Variants in EPHB4 observed in about 807,000 individuals in gnomAD.
EPHB4 encodes the protein EPH receptor B4.
A neutral mutation model predicts 110.6 loss-of-function variants in EPHB4; 50 were observed. That is an observed-to-expected ratio of 0.45 (90% CI 0.36 to 0.57). The LOEUF is 0.57. EPHB4 is among the 20% of genes least tolerant of loss of function. The pLI, the probability that EPHB4 is intolerant of heterozygous loss-of-function variation, is 0.00. For missense variants in EPHB4, 1,128 were observed against 1,382.1 expected, an observed-to-expected ratio of 0.82 and a Z score of 2.91; for synonymous variants, 592 against 578.4, an observed-to-expected ratio of 1.02 and a Z score of -0.34.
In EPHB4 at chr7:100,813,222, C is replaced by A. The variant is rs775270290; in HGVS notation, c.1757-14G>T. 1 of 1,594,262 alleles carries A rather than the reference C, an allele frequency of 6.3e-7. No homozygotes were observed. Among genetic ancestry groups the A allele is most frequent in the East Asian group, 2.2e-5 (1 of 44,766 alleles). ...AGACCTTAGTACCTGAGAAATCAGG[C>A]AGGGCCCCGTCAGCTGGGAATTAAC... On this transcript the variant is annotated splice_polypyrimidine_tract_variant and intron_variant, in intron 10 of 16. Transcript: ENST00000358173.
chr7:100,817,432 C>G, intron 7 of EPHB4, 75 bp from the exon 8 acceptor site: 2 of 1,460,172 alleles, frequency 1.4e-6, no homozygotes, highest in Non-Finnish European at 1.8e-6. Flanking sequence ...CTCCTTCCCT[C>G]GCCCTCCACT....
chr7:100,806,099 C>T (rs1340909999), intron 14 of EPHB4: 9 of 252,692 alleles, frequency 3.6e-5, no homozygotes, highest in Admixed American at 5.2e-5. Flanking sequence ...GCTGGGATTA[C>T]AGGCACCCGC....
rs746336553 is a variant in EPHB4 at position 100,822,398 on chromosome 7, G to A, written c.681C>T (p.Ala227=). 1.1e-5 allele frequency: 17 copies of A among 1,576,894 alleles called. No homozygotes were observed. In the African/African-American group the frequency reaches 1.6e-4, roughly 15 times the overall value. The change falls in exon 4 of 17, where the codon GCC becomes GCT. Residue 227 remains alanine, a synonymous_variant. Transcript: ENST00000358173. The surrounding 1 kb of genome is among the most constrained non-coding windows in gnomAD (Gnocchi z 4.7). The part of the protein sequence containing the change: ...VPVAGSCVVD[A]VPAPGPSPSL... ...TGGGGCTGGGGCCAGGGGCGGGGACGGCATCCACCACGCAGCTACCGGCCA... is the reference window on the plus strand; with the variant it reads ...TGGGGCTGGGGCCAGGGGCGGGGACAGCATCCACCACGCAGCTACCGGCCA...
chr7:100,824,761 C>T (rs995876505), intron 1 of EPHB4: 1 of 163,762 alleles, frequency 6.1e-6, no homozygotes. Context: ...CCCCGTCCTT[C>T]CCTCCTTGAA....
rs1813413682 is a variant in EPHB4, at chr7:100,826,886, A to G, written c.52+93T>C. 8 of 1,333,630 alleles carry G rather than the reference A, an allele frequency of 6.0e-6. No homozygotes were observed. In the Middle Eastern group the frequency reaches 9.9e-4, roughly 165 times the overall value. 82.6% of individuals were successfully genotyped at this position (1,333,630 alleles called of 1,614,324 possible). A position where few individuals can be genotyped will look rare whatever the true frequency, so the allele number is the denominator to read the frequency against. On this transcript the variant is annotated intron_variant, in intron 1 of 16. Transcript: ENST00000358173. Reference sequence around the variant, plus strand: ...GGGACTGCAGTGCCCGGGTAGGGGTAGTCAGAGGCCGGCCCCTCCACTCCG... The same window carrying G: ...GGGACTGCAGTGCCCGGGTAGGGGTGGTCAGAGGCCGGCCCCTCCACTCCG...
intron 14 of EPHB4, chr7:100,805,953 T>C: frequency 5.0e-6 from 2 of 400,822 alleles, no homozygotes; most frequent in Non-Finnish European, 8.7e-6. Flanking sequence ...AAATATGCTG[T>C]ACCCAACTCT....
At chr7:100,816,291 G>A (rs1813065464) in intron 8 of EPHB4, among the ~76,000 whole-genome samples, 1 of 152,122 alleles carries the variant, frequency 6.6e-6, no homozygotes, top group Admixed American at 6.6e-5. Flanking sequence ...GATGGGGAAT[G>A]GGGAGCTCAG....
rs927772349 is a variant in EPHB4 at position 100,806,419 on chromosome 7, C to T, written c.2484+1G>A. 1.2e-6 allele frequency: 2 copies of T among 1,612,768 alleles called. No individual in the cohort carries two copies. Among genetic ancestry groups the T allele is most frequent in the Non-Finnish European group, 1.7e-6 (2 of 1,179,200 alleles). On this transcript the variant is annotated splice_donor_variant, in intron 14 of 16. Coordinates refer to ENST00000358173, the MANE Select transcript of EPHB4 (RefSeq NM_004444.5). LOFTEE classifies it high-confidence loss of function. The stretch of plus-strand genomic sequence containing the variant: ...GCTTGGTAGGACCACGGGACACTTA[C>T]GTCCTGATTGCTCATGTCCCAGTAC...
chr7:100,824,137 C>T (rs146312535), intron 2 of EPHB4, 66 bp downstream of exon 2: 258 of 1,601,742 alleles, frequency 1.6e-4, no homozygotes, highest in Non-Finnish European at 2.1e-4. Context: ...AGAAAGCAGG[C>T]GGCACAGGCG....
chr7:100,813,058 T>G (rs1812976382), intron 11 of EPHB4, 37 bp downstream of exon 11: 2 of 1,612,856 alleles, frequency 1.2e-6, no homozygotes, highest in South Asian at 2.2e-5. Context: ...CCACCCCCGC[T>G]TCGTTCCCAG....
chr7:100,825,599 G>A (rs1813363588), intron 1 of EPHB4: 1 of 152,288 alleles, frequency 6.6e-6, no homozygotes, highest in Admixed American at 6.6e-5. Flanking sequence ...TCTCTCCTTC[G>A]CTTTCGGCCT....
At chr7:100,823,532 C>T in intron 3 of EPHB4, 112 bp downstream of exon 3, 1 of 1,386,392 alleles carries the variant, frequency 7.2e-7, no homozygotes, top group Non-Finnish European at 9.7e-7. Context: ...GCTTCCAGCC[C>T]CCAGCGCGCG....
chr7:100,817,478 T>G (rs554586541), intron 7 of EPHB4, 121 bp from the exon 8 acceptor site: 18 of 1,120,610 alleles, frequency 1.6e-5, no homozygotes, highest in Non-Finnish European at 2.2e-5. Flanking sequence ...GGTGAGGCCT[T>G]TGGGAGAACT....
chr7:100,819,419 T>C (rs117000545), intron 6 of EPHB4, 138 bp downstream of exon 6: 6 of 993,492 alleles, frequency 6.0e-6, no homozygotes, highest in Admixed American at 2.5e-5. Context: ...CATTGCCCTC[T>C]TTCTGCCTCT....
At chr7:100,814,252 C>T (rs535862923) in intron 8 of EPHB4, among the ~76,000 whole-genome samples, 32 of 152,300 alleles carry the variant, frequency 2.1e-4, no homozygotes, top group Non-Finnish European at 3.1e-4. Context: ...GAGGAAGTTT[C>T]GAAATCTTTT....
At chr7:100,814,816 A>G (rs1285602944) in intron 8 of EPHB4, among the ~76,000 whole-genome samples, 3 of 151,600 alleles carry the variant, frequency 2.0e-5, no homozygotes, top group African/African-American at 4.9e-5. Flanking sequence ...GGTGTTCAAG[A>G]CCAGCCTGGG....
intron 6 of EPHB4, among the ~76,000 whole-genome samples, chr7:100,819,352 C>A: frequency 6.6e-6 from 1 of 152,238 alleles, no homozygotes; most frequent in South Asian, 2.1e-4. Flanking sequence ...TCAAGTGATC[C>A]GCCTGTCTCA....
intron 14 of EPHB4, 150 bp from the exon 15 acceptor site, chr7:100,805,844 G>A: frequency 1.4e-6 from 1 of 733,632 alleles, no homozygotes; most frequent in Non-Finnish European, 2.0e-6. Flanking sequence ...AGCCGGAGTT[G>A]AAGCTCTCTG....
At chr7:100,821,489 C>A (rs1308189264) in intron 4 of EPHB4, among the ~76,000 whole-genome samples, 1 of 148,078 alleles carries the variant, frequency 6.8e-6, no homozygotes, top group East Asian at 2.3e-4. Context: ...ATTAGCCGGG[C>A]GTGGTGGCGG....
Sources: gnomAD v4.1 joint callset for allele counts (sites outside exome capture counted in the v4.1 genomes callset) on GRCh38, gnomAD v4.1.1 for gene constraint, Gnocchi (gnomAD v3.1) non-coding constraint, MANE v1.5 for transcripts, NCBI Gene and HGNC (gene_info 2026-07-23, HGNC 2026-07-21) for gene names.